LRRC37A: variants seen among roughly 807,000 people sequenced by gnomAD.
LRRC37A encodes leucine-rich repeat-containing protein 37A.
A neutral mutation model predicts 35.4 loss-of-function variants in LRRC37A; 3 were observed. The observed-to-expected ratio is 0.08, with a 90% CI of 0.04 to 0.22. The LOEUF is 0.22. Among genes scored for constraint, LRRC37A ranks in the 10% least tolerant of loss-of-function variants. The pLI is 1.00. For missense variants in LRRC37A, 67 were observed against 565.3 expected, an observed-to-expected ratio of 0.12 and a Z score of 8.94; for synonymous variants, 23 against 215.0, an observed-to-expected ratio of 0.11 and a Z score of 7.81.
intron 5 of LRRC37A, among the ~76,000 whole-genome samples, chr17:46,317,147 G>A (rs1319530464): frequency 1.5e-4 from 13 of 89,602 alleles, no homozygotes; most frequent in African/African-American, 3.0e-4. Context: ...AGATGGGGTG[G>A]CGGCCGGGCA....
At chr17:46,254,419 C>T in the LRRC37A span, among the ~76,000 whole-genome samples, 15,891 of 150,966 alleles carry the variant, frequency 0.11, 1,310 homozygotes, top group Non-Finnish European at 0.15. Flanking sequence ...ATTTATCTAT[C>T]TATTTATTTA....
At chr17:46,265,358 C>G in the LRRC37A span, among the ~76,000 whole-genome samples, 1 of 139,330 alleles carries the variant, frequency 7.2e-6, no homozygotes, top group Admixed American at 7.6e-5. Context: ...TCTTCTCCTC[C>G]TTCTCCTTCT....
At chr17:46,304,931 C>T (rs1168236079) in intron 3 of LRRC37A, among the ~76,000 whole-genome samples, 4 of 67,612 alleles carry the variant, frequency 5.9e-5, no homozygotes, top group East Asian at 2.8e-4. Flanking sequence ...TGCAGTGGTG[C>T]GATCTCGGCT....
At chr17:46,285,853 G>A in the LRRC37A span, among the ~76,000 whole-genome samples, 3 of 152,216 alleles carry the variant, frequency 2.0e-5, no homozygotes, top group African/African-American at 7.2e-5. Context: ...CCAAAATTAT[G>A]CCAGCTGATT....
chr17:46,321,914 C>CAAAAAAAAAA (rs1263117066), intron 5 of LRRC37A, among the ~76,000 whole-genome samples: 1 of 10,980 alleles, frequency 9.1e-5, no homozygotes, highest in African/African-American at 1.6e-4. Flanking sequence ...GACTCCATCT[C>CAAAAAAAAAA]AAAAAAAAAA....
chr17:46,249,836 G>T, the LRRC37A span, among the ~76,000 whole-genome samples: 2 of 152,158 alleles, frequency 1.3e-5, no homozygotes, highest in Non-Finnish European at 2.9e-5. Flanking sequence ...ATGGAGTCTC[G>T]CTCTGTCGCC....
At chr17:46,250,655 G>C in the LRRC37A span, among the ~76,000 whole-genome samples, 1 of 152,136 alleles carries the variant, frequency 6.6e-6, no homozygotes, top group South Asian at 2.1e-4. Flanking sequence ...GCCTGCAGAC[G>C]GCCTATTGTG....
intron 10 of LRRC37A, among the ~76,000 whole-genome samples, chr17:46,333,014 TGA>T (rs1451281133): frequency 7.0e-6 from 1 of 143,312 alleles, no homozygotes; most frequent in Non-Finnish European, 1.5e-5. Context: ...GCTGAAATGA[TGA>T]GAGAGGTATA....
the LRRC37A span, among the ~76,000 whole-genome samples, chr17:46,282,204 G>A: frequency 8.5e-6 from 1 of 117,588 alleles, no homozygotes; most frequent in Non-Finnish European, 2.2e-5. Context: ...CCGGGTTCAT[G>A]CCATTCTCCT....
chr17:46,252,839 T>G, the LRRC37A span, among the ~76,000 whole-genome samples: 3 of 151,936 alleles, frequency 2.0e-5, no homozygotes, highest in Non-Finnish European at 4.4e-5. Context: ...CCCTTTCTAC[T>G]CCACAAAACC....
the LRRC37A span, chr17:46,260,274 G>A: frequency 2.6e-6 from 4 of 1,517,172 alleles, no homozygotes; most frequent in Non-Finnish European, 3.5e-6. Flanking sequence ...TGTGCAGCGG[G>A]CGATGGCGGC....
exon 9 of LRRC37A, chr17:46,330,891 G>A: frequency 4.1e-6 from 3 of 724,598 alleles, no homozygotes; most frequent in Non-Finnish European, 6.2e-6. Context: ...GAAGAAAAAA[G>A]GCTCACGAGT....
At chr17:46,272,223 A>G in the LRRC37A span, among the ~76,000 whole-genome samples, 2 of 152,248 alleles carry the variant, frequency 1.3e-5, no homozygotes, top group Non-Finnish European at 2.9e-5. Flanking sequence ...GATGCAAATT[A>G]AATATATTTA....
At chr17:46,261,343 A>G in the LRRC37A span, among the ~76,000 whole-genome samples, 1 of 152,220 alleles carries the variant, frequency 6.6e-6, no homozygotes, top group East Asian at 1.9e-4. Flanking sequence ...ACTACATGGT[A>G]TGTGAATACC....
At chr17:46,248,786 C>A in the LRRC37A span, among the ~76,000 whole-genome samples, 1 of 152,022 alleles carries the variant, frequency 6.6e-6, no homozygotes, top group Non-Finnish European at 1.5e-5. Flanking sequence ...TCCCAAAGTG[C>A]TAGGATTACA....
the LRRC37A span, among the ~76,000 whole-genome samples, chr17:46,252,805 C>T: frequency 6.6e-6 from 1 of 152,226 alleles, no homozygotes; most frequent in Non-Finnish European, 1.5e-5. Flanking sequence ...CATCCGACTT[C>T]TCAGTCCTTT....
chr17:46,278,410 TTG>T, the LRRC37A span, among the ~76,000 whole-genome samples: 28 of 106,508 alleles, frequency 2.6e-4, no homozygotes, highest in Middle Eastern at 6.0e-3. Context: ...TGTTTTTTTT[TTG>T]TTGTTGTTTT....
At chr17:46,275,421 A>G in the LRRC37A span, 1 of 954,292 alleles carries the variant, frequency 1.0e-6, no homozygotes, top group Non-Finnish European at 1.6e-6. Context: ...TGTGAGACCT[A>G]CAGAGTATAG....
the LRRC37A span, among the ~76,000 whole-genome samples, chr17:46,265,822 C>T: frequency 6.6e-6 from 1 of 152,204 alleles, no homozygotes; most frequent in Non-Finnish European, 1.5e-5. Context: ...CTGTGCCGGC[C>T]GTCGTGGCTG....
Sources: gnomAD v4.1 joint callset for allele counts (sites outside exome capture counted in the v4.1 genomes callset) on GRCh38, gnomAD v4.1.1 for gene constraint, MANE v1.5 for transcripts, NCBI Gene and HGNC (gene_info 2026-07-23, HGNC 2026-07-21) for gene names.